The following SNRNP40 variants were observed in gnomAD, a reference collection of about 807,000 sequenced individuals.
SNRNP40 encodes the protein U5 small nuclear ribonucleoprotein 40 kDa protein.
A neutral mutation model predicts 45.8 loss-of-function variants in SNRNP40; 21 were observed. The observed-to-expected ratio is 0.46, with a 90% CI of 0.32 to 0.66. The LOEUF is 0.66. Ranked by LOEUF, SNRNP40 falls within the 30% of genes least tolerant of loss-of-function variation. The pLI, the probability that SNRNP40 is intolerant of heterozygous loss-of-function variation, is 0.03. For missense variants in SNRNP40, 344 were observed against 439.1 expected (o/e 0.78, Z 1.94); for synonymous variants, 142 against 163.8 (o/e 0.87, Z 1.01).
At chr1:31,290,343 CTTTA>C (rs1207092318) in intron 3 of SNRNP40, among the ~76,000 whole-genome samples, 2 of 152,178 alleles carry the variant, frequency 1.3e-5, no homozygotes, top group East Asian at 3.9e-4. Context: ...CTTTCTAATG[CTTTA>C]TTTAAAATGT....
intron 8 of SNRNP40, 120 bp from the exon 9 acceptor site, chr1:31,261,752 A>G (rs770392113): frequency 1.6e-6 from 1 of 622,240 alleles, no homozygotes; most frequent in Non-Finnish European, 2.9e-6. Flanking sequence ...TTACTGAACC[A>G]TGTTCTGGCT....
intron 2 of SNRNP40, chr1:31,293,007 T>C (rs899522385): frequency 3.6e-5 from 20 of 553,678 alleles, no homozygotes; most frequent in Non-Finnish European, 6.1e-5. Context: ...ACTTTCCAAC[T>C]AGTAAAATAA....
chr1:31,267,789 C>T, intron 8 of SNRNP40, 82 bp downstream of exon 8: 1 of 1,076,418 alleles, frequency 9.3e-7, no homozygotes, highest in Non-Finnish European at 1.4e-6. Context: ...GCCTCGGCCT[C>T]CCAAAGTGCT....
chr1:31,291,825 T>C (rs1486094315), intron 3 of SNRNP40, 88 bp downstream of exon 3: 11 of 916,502 alleles, frequency 1.2e-5, no homozygotes, highest in Admixed American at 3.7e-5. Flanking sequence ...TAGTTTTTGA[T>C]AGCAGGGTCT....
intron 4 of SNRNP40, among the ~76,000 whole-genome samples, chr1:31,285,210 G>C (rs567612123): frequency 1.5e-4 from 22 of 151,174 alleles, no homozygotes; most frequent in African/African-American, 5.3e-4. Context: ...TAAATCATTT[G>C]AGAGTAAGTT....
intron 5 of SNRNP40, among the ~76,000 whole-genome samples, chr1:31,274,448 G>A (rs1466130118): frequency 6.6e-6 from 1 of 151,954 alleles, no homozygotes; most frequent in East Asian, 1.9e-4. Flanking sequence ...TGTTGGCCAT[G>A]GCCAGGATGG....
At chr1:31,281,906 T>C (rs1646019019) in intron 4 of SNRNP40, 1 of 154,290 alleles carries the variant, frequency 6.5e-6, no homozygotes, top group South Asian at 2.0e-4. Context: ...TCAGTGAAAA[T>C]AGTATAATAA....
intron 5 of SNRNP40, among the ~76,000 whole-genome samples, chr1:31,280,525 C>G (rs1646008474): frequency 1.3e-5 from 2 of 149,808 alleles, no homozygotes; most frequent in South Asian, 4.2e-4. Flanking sequence ...AAATACAGTA[C>G]AACTTCTAGG....
chr1:31,281,522 TC>T, intron 4 of SNRNP40, 26 bp from the exon 5 acceptor site: 1 of 1,577,196 alleles, frequency 6.3e-7, no homozygotes, highest in Middle Eastern at 1.7e-4. Flanking sequence ...AGACAGTCTA[TC>T]AGCAACATCA....
At chr1:31,281,708 C>A in intron 4 of SNRNP40, 1 of 381,214 alleles carries the variant, frequency 2.6e-6, no homozygotes, top group East Asian at 3.8e-5. Context: ...AACAAAACTT[C>A]GGTTATATTT....
In SNRNP40 at chr1:31,269,146, T is replaced by C. The variant is rs201855845; in HGVS notation, c.858+12A>G. On this transcript the variant is annotated intron_variant, in intron 7 of 9. Coordinates refer to ENST00000263694, the MANE Select transcript of SNRNP40 (RefSeq NM_004814.3). ...AATGAACAGTAAAACTCCTCTGCCATGCAGAACTCACCTTTTCAAAGTTGT... is the reference window on the plus strand; with the variant it reads ...AATGAACAGTAAAACTCCTCTGCCACGCAGAACTCACCTTTTCAAAGTTGT... 3.1e-6 allele frequency: 5 copies of C among 1,587,696 alleles called. No homozygotes were observed. The East Asian group carries it at 9.0e-5, about 29-fold the overall frequency.
At chr1:31,273,042 G>A (rs574635024) in intron 5 of SNRNP40, among the ~76,000 whole-genome samples, 4 of 152,182 alleles carry the variant, frequency 2.6e-5, no homozygotes, top group African/African-American at 4.8e-5. Context: ...ACATAGGGCA[G>A]ACAACTCCAC....
In SNRNP40 at chr1:31,259,941, C is replaced by T. The variant is rs2292164; in HGVS notation, c.*131G>A. On this transcript the variant is annotated 3_prime_UTR_variant, in exon 10 of 10. Transcript: ENST00000263694. ...AGAAGTGGTTTTTGGAATATGGCCA[C>T]CGCCTCCTGTTTCTTGCTAGCAATG... is the stretch of plus-strand genomic sequence containing the variant. The T allele has an allele frequency of 8.5e-3, 6,411 of 752,958 alleles. 402 individuals carry two copies. In the East Asian group the frequency reaches 0.14, roughly 17 times the overall value. The allele number at this position is 752,958 out of a possible 1,614,324, so 46.6% of individuals were successfully genotyped here. A position where few individuals can be genotyped will look rare whatever the true frequency, so the allele number is the denominator to read the frequency against.
intron 6 of SNRNP40, among the ~76,000 whole-genome samples, chr1:31,270,141 G>A (rs1013232434): frequency 2.0e-5 from 3 of 152,118 alleles, no homozygotes; most frequent in African/African-American, 7.2e-5. Flanking sequence ...GACCTCAGGT[G>A]ATCTACCCTG....
At chr1:31,275,730 A>G (rs1262919489) in intron 5 of SNRNP40, among the ~76,000 whole-genome samples, 3 of 152,118 alleles carry the variant, frequency 2.0e-5, no homozygotes, top group Non-Finnish European at 2.9e-5. Context: ...CTACCTTCTA[A>G]GTAAATTCTA....
Position 31,281,363 on chromosome 1 carries a change from A to T in SNRNP40, c.654+11T>A. ...GATGAAATGGAAATATATCATAAAC[A>T]TCAAACATACCTTGATATCATTGTC... On this transcript the variant is annotated intron_variant, in intron 5 of 9. Coordinates refer to ENST00000263694, the MANE Select transcript of SNRNP40 (RefSeq NM_004814.3). 6.4e-7 allele frequency: 1 copy of T among 1,572,358 alleles called. No homozygotes were observed. Among genetic ancestry groups the T allele is most frequent in the Non-Finnish European group, 8.7e-7 (1 of 1,148,340 alleles).
chr1:31,268,179 T>C (rs7533490), intron 7 of SNRNP40, among the ~76,000 whole-genome samples: 24 of 152,322 alleles, frequency 1.6e-4, no homozygotes, highest in African/African-American at 5.5e-4. Context: ...AATTTTGTTC[T>C]ACTTATAAAT....
rs1332511472 is a variant in SNRNP40, at chr1:31,280,750, A to G, written c.654+624T>C. Among the ~76,000 whole-genome samples, 4 of 150,622 alleles carry G rather than the reference A, an allele frequency of 2.7e-5. No individual in the cohort carries two copies. The East Asian group carries it at 7.8e-4, about 29-fold the overall frequency. ...AGGCTCATTTAATCCCCACAATGGTATGTGGTAGATGCTACTGTTTTTTTT... is the reference window on the plus strand; with the variant it reads ...AGGCTCATTTAATCCCCACAATGGTGTGTGGTAGATGCTACTGTTTTTTTT... On this transcript the variant is annotated intron_variant, in intron 5 of 9. Transcript: ENST00000263694.
At chr1:31,276,105 ACACTATGTC>A (rs1472722841) in intron 5 of SNRNP40, among the ~76,000 whole-genome samples, 1 of 152,226 alleles carries the variant, frequency 6.6e-6, no homozygotes, top group Non-Finnish European at 1.5e-5. Flanking sequence ...TATATTGAAC[ACACTATGTC>A]CCTGCCACGG....
Sources: gnomAD v4.1 joint callset for allele counts (sites outside exome capture counted in the v4.1 genomes callset) on GRCh38, gnomAD v4.1.1 for gene constraint, MANE v1.5 for transcripts, NCBI Gene and HGNC (gene_info 2026-07-23, HGNC 2026-07-21) for gene names.